Variants in PLB1 observed in about 807,000 individuals in gnomAD.
The protein encoded by PLB1 is phospholipase B1, also known as phospholipase B1, membrane-associated.
A neutral mutation model predicts 227.4 loss-of-function variants in PLB1; 242 were observed. The ratio of observed to expected loss-of-function variants is 1.06; its 90% CI spans 0.96 to 1.18. The LOEUF (loss-of-function observed/expected upper bound fraction) is 1.18, where lower values mean the gene tolerates loss of function less well. Ranked by LOEUF, PLB1 falls within the 50% of genes most tolerant of loss-of-function variation. The pLI, the probability that PLB1 is intolerant of heterozygous loss-of-function variation, is 0.00. For synonymous variants in PLB1, 757 were observed against 682.2 expected (o/e 1.11, Z -1.71); for missense variants, 1,858 against 1,816.3 (o/e 1.02, Z -0.42).
chr2:28,590,612 T>C (rs2049688), intron 29 of PLB1, among the ~76,000 whole-genome samples: 65,424 of 151,836 alleles, frequency 0.43, 15,764 homozygotes, highest in African/African-American at 0.66. Context: ...GCAGCAGCTG[T>C]CCTCGTCCCC....
chr2:28,597,106 CAG>C (rs1359723358), intron 33 of PLB1, among the ~76,000 whole-genome samples: 2 of 151,872 alleles, frequency 1.3e-5, no homozygotes, highest in East Asian at 1.9e-4. Context: ...TACTAAAAAA[CAG>C]AAAAAATTAG....
rs1687787710 is a variant in PLB1 at position 28,626,430 on chromosome 2, C to T, written c.3582C>T (p.Asp1194=). The change falls in exon 51 of 58, where the codon GAC becomes GAT. Residue 1194 remains aspartate (D), a splice_region_variant and synonymous_variant. Transcript: ENST00000327757. The part of the protein sequence containing the change: ...DLVERMKNSP[D]INLEKDWKLV... ...CTCAGGATCTTCTGTCCCCTCAGGA[C>T]ATCAACCTGGAGAAAGACTGGAAGC... The T allele has an allele frequency of 6.2e-7, 1 of 1,613,866 alleles. No individual in the cohort carries two copies. The highest frequency in any genetic ancestry group is 8.5e-7 in the Non-Finnish European group (1 of 1,179,728).
chr2:28,566,786 C>G lies in PLB1; in HGVS notation c.1281-10C>G. The G allele has an allele frequency of 3.1e-6, 5 of 1,614,080 alleles. No individual in the cohort carries two copies. The highest frequency in any genetic ancestry group is 4.2e-6 in the Non-Finnish European group (5 of 1,179,962). ...AACCCTTCATTTTCTTTCTTGGACC[C>G]ACGTTACAGCGTCGGCGGAGATGAG... On this transcript the variant is annotated splice_polypyrimidine_tract_variant and intron_variant, in intron 19 of 57. Transcript: ENST00000327757.
chr2:28,592,803 C>T, intron 32 of PLB1, 84 bp downstream of exon 32: 1 of 1,306,980 alleles, frequency 7.7e-7, no homozygotes, highest in Non-Finnish European at 1.1e-6. Context: ...GGTCTGCATG[C>T]CTGTCCTCTG....
intron 22 of PLB1, among the ~76,000 whole-genome samples, chr2:28,579,305 C>T (rs1397502677): frequency 2.0e-5 from 3 of 152,188 alleles, no homozygotes; most frequent in Admixed American, 2.0e-4. Flanking sequence ...TTATCCCTTC[C>T]CCACTTCCTT....
At chr2:28,582,591 A>G (rs746333150) in intron 25 of PLB1, 86 bp downstream of exon 25, 26 of 1,047,740 alleles carry the variant, frequency 2.5e-5, no homozygotes, top group Non-Finnish European at 3.4e-5. Flanking sequence ...TAGAAAACCC[A>G]AGGGCCGAAG....
intron 9 of PLB1, among the ~76,000 whole-genome samples, chr2:28,536,466 TA>T (rs1357038255): frequency 2.0e-5 from 3 of 152,214 alleles, no homozygotes; most frequent in African/African-American, 4.8e-5. Context: ...TTATCCCTTG[TA>T]AACGTCTCTA....
intron 40 of PLB1, 62 bp downstream of exon 40, chr2:28,604,109 C>T: frequency 6.8e-7 from 1 of 1,477,968 alleles, no homozygotes. Flanking sequence ...ACACACAGCC[C>T]AGAGCCCCTA....
intron 23 of PLB1, among the ~76,000 whole-genome samples, chr2:28,581,489 ATAAATAAATAAAT>A (rs1558821307): frequency 1.7e-5 from 1 of 60,548 alleles, no homozygotes; most frequent in African/African-American, 4.3e-5. Flanking sequence ...ACGCAAAAAA[ATAAATAAATAAAT>A]AAATAAATAA....
At chr2:28,634,012 G>T (rs77038731) in intron 56 of PLB1, among the ~76,000 whole-genome samples, 16,560 of 152,106 alleles carry the variant, frequency 0.11, 2,134 homozygotes, top group African/African-American at 0.32. Flanking sequence ...CATCCCACTC[G>T]GCTGACTCAC....
chr2:28,602,985 A>G (rs963277569), intron 39 of PLB1, 64 bp downstream of exon 39: 2 of 1,382,150 alleles, frequency 1.4e-6, no homozygotes, highest in Non-Finnish European at 1.0e-6. Context: ...GCCCACATGC[A>G]GTGGTGATGC....
At position 28,628,695 on chromosome 2, in the gene PLB1, G is replaced by A. The variant is rs371000457; in HGVS notation, c.3726+67G>A. 1.1e-3 allele frequency: 1,604 copies of A among 1,490,110 alleles called. 16 individuals carry two copies. Among genetic ancestry groups the A allele is most frequent in the South Asian group, 3.4e-3 (302 of 88,362 alleles). The allele number at this position is 1,490,110 out of a possible 1,614,324, so 92.3% of individuals were successfully genotyped here. ...TCCCTGGGATGCATGTAGGCAGGCTGTGTTCAGTGAGATGCTCACGGAGCA... is the reference window on the plus strand; with the variant it reads ...TCCCTGGGATGCATGTAGGCAGGCTATGTTCAGTGAGATGCTCACGGAGCA... On this transcript the variant is annotated intron_variant, in intron 52 of 57. Coordinates refer to ENST00000327757, the MANE Select transcript of PLB1 (RefSeq NM_153021.5).
chr2:28,586,325 T>C (rs1357603322), intron 26 of PLB1, among the ~76,000 whole-genome samples: 1 of 152,184 alleles, frequency 6.6e-6, no homozygotes, highest in Non-Finnish European at 1.5e-5. Flanking sequence ...TCCGCTCCTA[T>C]AGAATGGATG....
At chr2:28,589,227 A>C (rs1230055444) in intron 26 of PLB1, among the ~76,000 whole-genome samples, 1 of 152,124 alleles carries the variant, frequency 6.6e-6, no homozygotes, top group Non-Finnish European at 1.5e-5. Flanking sequence ...AGACTAGCTC[A>C]AATATATGCA....
At chr2:28,631,268 A>C (rs1688600359) in intron 54 of PLB1, among the ~76,000 whole-genome samples, 1 of 151,822 alleles carries the variant, frequency 6.6e-6, no homozygotes, top group African/African-American at 2.4e-5. Context: ...ACTCCTGCTT[A>C]TGTCTCTGCC....
At chr2:28,508,389 A>C (rs1027116964) in intron 1 of PLB1, among the ~76,000 whole-genome samples, 4 of 152,150 alleles carry the variant, frequency 2.6e-5, no homozygotes, top group Non-Finnish European at 4.4e-5. Flanking sequence ...GCAGCACGTG[A>C]CTGGCCAAGC....
chr2:28,621,865 TATC>T (rs776865425), intron 49 of PLB1, among the ~76,000 whole-genome samples: 7 of 143,138 alleles, frequency 4.9e-5, no homozygotes, highest in Non-Finnish European at 9.4e-5. Context: ...TTATTGTTAT[TATC>T]ATCATCATTT....
At chr2:28,609,114 T>G (rs1295921680) in intron 43 of PLB1, among the ~76,000 whole-genome samples, 2 of 152,022 alleles carry the variant, frequency 1.3e-5, no homozygotes, top group Non-Finnish European at 2.9e-5. Flanking sequence ...AGAGGTGGGG[T>G]CTTGCCATTT....
intron 57 of PLB1, among the ~76,000 whole-genome samples, chr2:28,642,336 T>A (rs555032490): frequency 8.0e-6 from 1 of 125,386 alleles, no homozygotes; most frequent in Non-Finnish European, 1.7e-5. Context: ...CAATTCACAT[T>A]CACTGAGAGG....
Sources: allele counts gnomAD v4.1 joint callset (sites outside exome capture counted in the v4.1 genomes callset), GRCh38; gene constraint gnomAD v4.1.1; transcripts MANE v1.5; gene names NCBI Gene and HGNC (gene_info 2026-07-23, HGNC 2026-07-21).